XPO4: variants seen among roughly 807,000 people sequenced by gnomAD.
The protein encoded by XPO4 is exportin-4.
A neutral mutation model predicts 143.0 loss-of-function variants in XPO4; 39 were observed. The observed-to-expected ratio is 0.27, with a 90% CI of 0.21 to 0.36. XPO4 has a LOEUF of 0.36. XPO4 is among the 10% of genes least tolerant of loss of function. The pLI is 1.00. For synonymous variants in XPO4, 439 were observed against 474.0 expected (o/e 0.93, Z 0.96); for missense variants, 907 against 1,348.0 (o/e 0.67, Z 5.12).
chr13:20,899,853 G>A (rs1307015080), intron 1 of XPO4, among the ~76,000 whole-genome samples: 1 of 152,150 alleles, frequency 6.6e-6, no homozygotes, highest in African/African-American at 2.4e-5. Flanking sequence ...ATGGATAAAT[G>A]CTAAGATCAC....
At chr13:20,876,985 T>TGCTG (rs946676763) in intron 1 of XPO4, among the ~76,000 whole-genome samples, 6 of 152,134 alleles carry the variant, frequency 3.9e-5, no homozygotes, top group African/African-American at 1.4e-4. Flanking sequence ...TTTTACAGAG[T>TGCTG]GCTGATTGGT....
chr13:20,787,110 C>G, intron 21 of XPO4, 53 bp from the exon 22 acceptor site: 1 of 1,413,290 alleles, frequency 7.1e-7, no homozygotes, highest in East Asian at 2.5e-5. Context: ...ATATATCCTC[C>G]AGTCCCTCCC....
At chr13:20,835,947 C>G (rs369438229) in intron 6 of XPO4, among the ~76,000 whole-genome samples, 147 of 152,136 alleles carry the variant, frequency 9.7e-4, no homozygotes, top group Non-Finnish European at 1.8e-3. Flanking sequence ...ATTTATCTTC[C>G]TTATAATTGT....
intron 7 of XPO4, among the ~76,000 whole-genome samples, chr13:20,825,683 T>C (rs1167624534): frequency 1.3e-5 from 2 of 152,200 alleles, no homozygotes; most frequent in African/African-American, 4.8e-5. Context: ...GTCAAGTGCA[T>C]AATACAAAGA....
intron 6 of XPO4, among the ~76,000 whole-genome samples, chr13:20,828,201 T>C (rs7992489): frequency 0.39 from 59,772 of 151,948 alleles, 13,594 homozygotes; most frequent in Non-Finnish European, 0.52. Context: ...GATCACACCA[T>C]TGCACTCCAG....
At chr13:20,876,122 G>C (rs1395421014) in intron 1 of XPO4, among the ~76,000 whole-genome samples, 1 of 150,528 alleles carries the variant, frequency 6.6e-6, no homozygotes, top group African/African-American at 2.4e-5. Flanking sequence ...AAAATAGCTG[G>C]GTGGTGGCAC....
chr13:20,857,858 T>A (rs1487485424), intron 3 of XPO4: 13 of 985,280 alleles, frequency 1.3e-5, no homozygotes, highest in Non-Finnish European at 1.4e-5. Flanking sequence ...GCCTCTTTCA[T>A]AAAGGACATT....
intron 3 of XPO4, chr13:20,860,052 T>C (rs952059192): frequency 6.5e-6 from 1 of 154,238 alleles, no homozygotes; most frequent in Non-Finnish European, 1.4e-5. Flanking sequence ...CTGGTCCAGA[T>C]GATGACAGCT....
Position 20,855,213 on chromosome 13 carries a change from C to T in XPO4, c.456+414G>A, listed in dbSNP as rs143285842. 3.7e-3 allele frequency among the ~76,000 whole-genome samples: 559 copies of T among 152,136 alleles called. 1 individual carries two copies. Among genetic ancestry groups the T allele is most frequent in the African/African-American group, 0.012 (490 of 41,528 alleles). ...GCTCACACCTGTAATACCAGCACTTCGGGAGGCAGAAGCAGGCGGATCACC... is the reference window on the plus strand; with the variant it reads ...GCTCACACCTGTAATACCAGCACTTTGGGAGGCAGAAGCAGGCGGATCACC... On this transcript the variant is annotated intron_variant, in intron 4 of 22. Coordinates refer to ENST00000255305, the MANE Select transcript of XPO4 (RefSeq NM_022459.5).
At chr13:20,808,935 G>A (rs904467867) in intron 11 of XPO4, 148 bp downstream of exon 11, 12 of 902,950 alleles carry the variant, frequency 1.3e-5, no homozygotes, top group African/African-American at 3.3e-5. Context: ...GCCAAGGAAC[G>A]CAATCATGAG....
Position 20,783,732 on chromosome 13 carries a change from CA to C in XPO4, c.3445del (p.Cys1149ValfsTer2). The C allele has an allele frequency of 6.2e-7, 1 of 1,614,194 alleles. No homozygotes were observed. Among genetic ancestry groups the C allele is most frequent in the East Asian group, 2.2e-5 (1 of 44,880 alleles). Reference protein sequence around the residue: ...EFMANVGGLLCVK With the variant: ...EFMANVGGLLXVK ...ATAAAGTTCTGTTGTTTATTTTACA[CA>C]AAGGAGACCACCAACATTTGCCATA... is the stretch of plus-strand genomic sequence containing the variant. On this transcript the variant is annotated frameshift_variant, in exon 23 of 23. Coordinates refer to ENST00000255305, the MANE Select transcript of XPO4 (RefSeq NM_022459.5). LOFTEE classifies it high-confidence loss of function.
intron 13 of XPO4, among the ~76,000 whole-genome samples, chr13:20,802,126 C>T (rs1595069861): frequency 6.6e-6 from 1 of 152,064 alleles, no homozygotes; most frequent in Non-Finnish European, 1.5e-5. Flanking sequence ...GACACAGTCA[C>T]GGTCCACTGC....
At position 20,869,208 on chromosome 13, in the gene XPO4, G is replaced by A. The variant is rs942892943; in HGVS notation, c.70-507C>T. ...AATCACTATCAAACCAGAAAAATTT[G>A]GGAACAGTTAAAGTTTGGAATTTAT... On this transcript the variant is annotated intron_variant, in intron 1 of 22. Coordinates refer to ENST00000255305, the MANE Select transcript of XPO4 (RefSeq NM_022459.5). Among the ~76,000 whole-genome samples the A allele has an allele frequency of 7.9e-5, 12 of 152,140 alleles. No individual in the cohort carries two copies. The East Asian group carries it at 2.3e-3, about 29-fold the overall frequency.
intron 7 of XPO4, among the ~76,000 whole-genome samples, chr13:20,826,061 T>C (rs73437423): frequency 0.018 from 2,715 of 152,338 alleles, 97 homozygotes; most frequent in African/African-American, 0.06. Flanking sequence ...TTACTTTTAA[T>C]TGATTTTTAC....
intron 21 of XPO4, 74 bp from the exon 22 acceptor site, chr13:20,787,131 A>C: frequency 8.0e-7 from 1 of 1,243,206 alleles, no homozygotes; most frequent in Non-Finnish European, 1.1e-6. Context: ...CAGTCCAAAA[A>C]AGAAGAAGAG....
intron 9 of XPO4, among the ~76,000 whole-genome samples, chr13:20,816,861 C>G (rs1440818882): frequency 1.3e-5 from 2 of 152,110 alleles, no homozygotes; most frequent in African/African-American, 4.8e-5. Flanking sequence ...AGTTTTCTTC[C>G]AAATATCCTG....
At chr13:20,823,091 G>C (rs1425568266) in intron 7 of XPO4, among the ~76,000 whole-genome samples, 1 of 152,164 alleles carries the variant, frequency 6.6e-6, no homozygotes, top group Non-Finnish European at 1.5e-5. Context: ...GGAAAATTTA[G>C]TGAAGGAATA....
In XPO4 at chr13:20,899,397, C is replaced by T. The variant is rs540107858; in HGVS notation, c.69+3273G>A. On this transcript the variant is annotated intron_variant, in intron 1 of 22. Coordinates refer to ENST00000255305, the MANE Select transcript of XPO4 (RefSeq NM_022459.5). The stretch of plus-strand genomic sequence containing the variant: ...TTTTGAAAGGGGAGTCTGGTGATCT[C>T]AGCCTGGATCAGTTATATCATGAAT... Among the ~76,000 whole-genome samples the T allele has an allele frequency of 2.6e-5, 4 of 151,578 alleles. No homozygotes were observed. The East Asian group carries it at 5.8e-4, about 22-fold the overall frequency.
Position 20,848,739 on chromosome 13 carries a change from G to A in XPO4, c.457-4853C>T, listed in dbSNP as rs184987882. The A allele has an allele frequency of 9.1e-6, 9 of 985,316 alleles. No individual in the cohort carries two copies. In the East Asian group the frequency reaches 9.1e-4, roughly 99 times the overall value. The allele number at this position is 985,316 out of a possible 1,614,324, so 61.0% of individuals were successfully genotyped here. A position where few individuals can be genotyped will look rare whatever the true frequency, so the allele number is the denominator to read the frequency against. ...GAATCAGTGTTTACTTCTATGCCCAGCACTATGTTAACATAACAGAAGTTG... is the reference window on the plus strand; with the variant it reads ...GAATCAGTGTTTACTTCTATGCCCAACACTATGTTAACATAACAGAAGTTG... On this transcript the variant is annotated intron_variant, in intron 4 of 22. Transcript: ENST00000255305.
Sources: allele counts gnomAD v4.1 joint callset (sites outside exome capture counted in the v4.1 genomes callset), GRCh38; gene constraint gnomAD v4.1.1; transcripts MANE v1.5; gene names NCBI Gene and HGNC (gene_info 2026-07-23, HGNC 2026-07-21).